CGNL1: variants seen among roughly 807,000 people sequenced by gnomAD.
CGNL1 encodes the protein cingulin-like protein 1.
A neutral mutation model predicts 141.2 loss-of-function variants in CGNL1; 132 were observed. The ratio of observed to expected loss-of-function variants is 0.93; its 90% CI spans 0.81 to 1.08. The LOEUF (loss-of-function observed/expected upper bound fraction) is 1.08, where lower values mean the gene tolerates loss of function less well. CGNL1 is among the 50% of genes least tolerant of loss of function. CGNL1 has a pLI of 0.00. For synonymous variants in CGNL1, 690 were observed against 622.1 expected, an observed-to-expected ratio of 1.11 and a Z score of -1.63; for missense variants, 1,870 against 1,588.6, an observed-to-expected ratio of 1.18 and a Z score of -3.01.
intron 8 of CGNL1, among the ~76,000 whole-genome samples, chr15:57,469,020 A>T (rs2063546896): frequency 6.6e-6 from 1 of 152,126 alleles, no homozygotes; most frequent in South Asian, 2.1e-4. Context: ...TCTTTTGTAA[A>T]TTGCCCAGTC....
intron 8 of CGNL1, among the ~76,000 whole-genome samples, chr15:57,476,176 G>A (rs2063654845): frequency 6.6e-6 from 1 of 152,146 alleles, no homozygotes. Context: ...ACGGAAAGCA[G>A]AAGTTCGGAA....
intron 7 of CGNL1, among the ~76,000 whole-genome samples, chr15:57,454,166 C>A (rs1334637892): frequency 6.6e-6 from 1 of 152,092 alleles, no homozygotes; most frequent in African/African-American, 2.4e-5. Flanking sequence ...GGACTTTTAT[C>A]TCTGCACCCA....
chr15:57,543,865 G>A (rs917339296), intron 15 of CGNL1, 86 bp downstream of exon 15: 4 of 993,618 alleles, frequency 4.0e-6, no homozygotes, highest in Non-Finnish European at 6.2e-6. Context: ...AGCCCTTGGA[G>A]GTCCCTCCTT....
intron 16 of CGNL1, among the ~76,000 whole-genome samples, chr15:57,544,866 A>G (rs751295166): frequency 3.2e-4 from 48 of 152,210 alleles, no homozygotes; most frequent in Non-Finnish European, 4.7e-4. Flanking sequence ...TGGTGGTGCC[A>G]CTGTACTTGC....
chr15:57,532,032 T>G (rs2031980996), intron 14 of CGNL1, among the ~76,000 whole-genome samples: 1 of 152,188 alleles, frequency 6.6e-6, no homozygotes, highest in Non-Finnish European at 1.5e-5. Context: ...TTTCAAGGTT[T>G]TTAGGTTTTG....
intron 1 of CGNL1, among the ~76,000 whole-genome samples, chr15:57,421,615 G>A (rs753424202): frequency 6.6e-6 from 1 of 152,096 alleles, no homozygotes; most frequent in Non-Finnish European, 1.5e-5. Context: ...AGGAAAAAAT[G>A]GCCCCTTTCC....
intron 8 of CGNL1, among the ~76,000 whole-genome samples, chr15:57,483,168 A>G (rs1465123091): frequency 2.6e-5 from 4 of 152,220 alleles, no homozygotes; most frequent in Admixed American, 1.3e-4. Context: ...GAGTATGACT[A>G]TGTTGAGTAT....
chr15:57,532,601 T>C (rs986429990), intron 14 of CGNL1, among the ~76,000 whole-genome samples: 6 of 152,240 alleles, frequency 3.9e-5, no homozygotes, highest in Admixed American at 2.0e-4. Context: ...AAGGATCAAA[T>C]GTAAGTGAAA....
rs543733811 is a variant in CGNL1 at position 57,491,556 on chromosome 15, C to T, written c.2404-25224C>T. 2.0e-5 allele frequency among the ~76,000 whole-genome samples: 3 copies of T among 152,294 alleles called. No individual in the cohort carries two copies. The South Asian group carries it at 6.2e-4, about 32-fold the overall frequency. The stretch of plus-strand genomic sequence containing the variant: ...AGCTGATACAATGAAAGAATGAGCC[C>T]TAGAACATATGTTTCCTGAATCCAC... On this transcript the variant is annotated intron_variant, in intron 8 of 18. Coordinates refer to ENST00000281282, the MANE Select transcript of CGNL1 (RefSeq NM_032866.5).
In CGNL1 at chr15:57,548,276, C is replaced by G. The variant is rs1476869926; in HGVS notation, c.*786C>G. 6.6e-6 allele frequency: 1 copy of G among 152,178 alleles called. No individual in the cohort carries two copies. Among genetic ancestry groups the G allele is most frequent in the Non-Finnish European group, 1.5e-5 (1 of 68,070 alleles). 9.4% of individuals were successfully genotyped at this position (152,178 alleles called of 1,614,324 possible). On this transcript the variant is annotated 3_prime_UTR_variant, in exon 19 of 19. Transcript: ENST00000281282. ...TCAGCCTCCCAAAGTGCTGAGATTA[C>G]AGGCATGAGCCACCACGCCCAGCCA...
intron 8 of CGNL1, among the ~76,000 whole-genome samples, chr15:57,484,003 G>A (rs539226605): frequency 1.5e-4 from 23 of 152,076 alleles, no homozygotes; most frequent in African/African-American, 5.3e-4. Flanking sequence ...CTTGTATTTT[G>A]TTAAGGATTC....
At chr15:57,383,707 C>T (rs2062452427) in intron 1 of CGNL1, among the ~76,000 whole-genome samples, 1 of 151,332 alleles carries the variant, frequency 6.6e-6, no homozygotes. Context: ...ACTGCAGCCT[C>T]AACCTCCCAG....
intron 1 of CGNL1, among the ~76,000 whole-genome samples, chr15:57,415,303 A>T (rs1323416365): frequency 6.6e-6 from 1 of 152,190 alleles, no homozygotes; most frequent in Non-Finnish European, 1.5e-5. Context: ...AGCTGGGGAG[A>T]TTATCCTGCA....
intron 14 of CGNL1, among the ~76,000 whole-genome samples, chr15:57,539,323 C>A (rs2032436531): frequency 6.6e-6 from 1 of 152,148 alleles, no homozygotes; most frequent in Admixed American, 6.5e-5. Context: ...CCTGGAGGAT[C>A]CTCTTCCTCT....
intron 4 of CGNL1, among the ~76,000 whole-genome samples, chr15:57,448,997 T>C (rs1381344950): frequency 6.6e-6 from 1 of 152,194 alleles, no homozygotes; most frequent in African/African-American, 2.4e-5. Flanking sequence ...GGAGTGTCTA[T>C]TTAAGTTTTT....
Position 57,381,651 on chromosome 15 carries a change from C to G in CGNL1, c.-16+5084C>G, listed in dbSNP as rs143830853. 4.7e-3 allele frequency among the ~76,000 whole-genome samples: 720 copies of G among 152,328 alleles called. 9 individuals carry two copies. Among genetic ancestry groups the G allele is most frequent in the African/African-American group, 0.016 (684 of 41,580 alleles). On this transcript the variant is annotated intron_variant, in intron 1 of 18. Coordinates refer to ENST00000281282, the MANE Select transcript of CGNL1 (RefSeq NM_032866.5). ...CAAAGCTAAGTTCTCTCTACTGTTT[C>G]TCGCTCCTCTTAAGCTGAGCTGATT...
At chr15:57,465,143 G>C (rs1215044582) in intron 8 of CGNL1, among the ~76,000 whole-genome samples, 1 of 152,090 alleles carries the variant, frequency 6.6e-6, no homozygotes, top group Non-Finnish European at 1.5e-5. Context: ...ATGTGATAGA[G>C]TCATATTTTA....
At chr15:57,519,422 A>G (rs1220711629) in intron 10 of CGNL1, among the ~76,000 whole-genome samples, 1 of 152,196 alleles carries the variant, frequency 6.6e-6, no homozygotes, top group Admixed American at 6.5e-5. Context: ...GAGGGTGTTC[A>G]GCTTCATCTC....
intron 7 of CGNL1, among the ~76,000 whole-genome samples, chr15:57,460,252 A>C (rs1448425115): frequency 6.6e-6 from 1 of 152,174 alleles, no homozygotes; most frequent in Non-Finnish European, 1.5e-5. Flanking sequence ...AGGCCATCGG[A>C]TATGAGTAAA....
Sources: allele counts gnomAD v4.1 joint callset (sites outside exome capture counted in the v4.1 genomes callset), GRCh38; gene constraint gnomAD v4.1.1; transcripts MANE v1.5; gene names NCBI Gene and HGNC (gene_info 2026-07-23, HGNC 2026-07-21).